Variants in TAS2R1 observed in about 807,000 individuals in gnomAD.
TAS2R1 encodes taste receptor type 2 member 1.
For missense variants in TAS2R1, 370 were observed against 353.4 expected (o/e 1.05, Z -0.38); for synonymous variants, 141 against 134.2 (o/e 1.05, Z -0.35).
At chr5:9,716,881 C>G (rs1191086419), upstream of TAS2R1, among the ~76,000 whole-genome samples, 1 of 152,126 alleles carries the variant, frequency 6.6e-6, no homozygotes, top group Non-Finnish European at 1.5e-5. Context: ...AGCCTGCCTA[C>G]CAAACCAGCC....
At chr5:9,849,549 T>C in the TAS2R1 span, among the ~76,000 whole-genome samples, 3 of 152,222 alleles carry the variant, frequency 2.0e-5, no homozygotes, top group Non-Finnish European at 4.4e-5. Context: ...TGTCCTCCAC[T>C]CTGCAGGTGA....
intron 2 of TAS2R1, among the ~76,000 whole-genome samples, chr5:9,656,234 A>G (rs1195198558): frequency 6.6e-6 from 1 of 152,214 alleles, no homozygotes; most frequent in Non-Finnish European, 1.5e-5. Flanking sequence ...AAAGCTAAAG[A>G]AAATTATCGA....
At chr5:9,789,690 A>G in the TAS2R1 span, among the ~76,000 whole-genome samples, 9 of 142,720 alleles carry the variant, frequency 6.3e-5, no homozygotes, top group Non-Finnish European at 1.3e-4. Context: ...GGATCTGGCA[A>G]TTTCTCCTGC....
At chr5:9,866,375 G>A in the TAS2R1 span, among the ~76,000 whole-genome samples, 1 of 151,964 alleles carries the variant, frequency 6.6e-6, no homozygotes, top group Admixed American at 6.5e-5. Flanking sequence ...TTTACTATCT[G>A]TATTTCTCTT....
At chr5:9,695,747 G>GTACAT (rs2126521299) in intron 1 of TAS2R1, among the ~76,000 whole-genome samples, 1 of 152,054 alleles carries the variant, frequency 6.6e-6, no homozygotes, top group African/African-American at 2.4e-5. Flanking sequence ...CTCAGCTAGG[G>GTACAT]TACATGCCTC....
chr5:9,686,588 A>G (rs528940488), intron 1 of TAS2R1, among the ~76,000 whole-genome samples: 15 of 152,296 alleles, frequency 9.8e-5, no homozygotes, highest in Admixed American at 6.5e-4. Context: ...AAAAAAAGAG[A>G]GAGACAAAGA....
chr5:9,820,962 G>C, the TAS2R1 span, among the ~76,000 whole-genome samples: 2 of 152,038 alleles, frequency 1.3e-5, no homozygotes, highest in Non-Finnish European at 2.9e-5. Context: ...CATGAATCCC[G>C]GGAAAGAGCT....
chr5:9,843,453 A>C, the TAS2R1 span, among the ~76,000 whole-genome samples: 2 of 152,134 alleles, frequency 1.3e-5, no homozygotes, highest in African/African-American at 4.8e-5. Flanking sequence ...TCTTGCAACT[A>C]ATCTATCTTC....
the TAS2R1 span, among the ~76,000 whole-genome samples, chr5:9,821,976 TG>T: frequency 6.6e-6 from 1 of 152,174 alleles, no homozygotes; most frequent in Non-Finnish European, 1.5e-5. Context: ...GGCTGGGGCT[TG>T]GAAGTCACCA....
the TAS2R1 span, among the ~76,000 whole-genome samples, chr5:9,869,825 C>T: frequency 2.0e-4 from 31 of 152,282 alleles, no homozygotes; most frequent in Middle Eastern, 3.4e-3. Context: ...ATGAGTATGA[C>T]TATATGCTGA....
At chr5:9,841,469 T>A in the TAS2R1 span, among the ~76,000 whole-genome samples, 4 of 152,204 alleles carry the variant, frequency 2.6e-5, no homozygotes, top group Non-Finnish European at 5.9e-5. Flanking sequence ...AATTCTCTAT[T>A]CTGATGTACT....
the TAS2R1 span, among the ~76,000 whole-genome samples, chr5:9,757,560 A>T: frequency 2.6e-5 from 4 of 152,192 alleles, no homozygotes; most frequent in Admixed American, 2.6e-4. Context: ...ACATTTATTA[A>T]CATGATATAG....
chr5:9,725,736 G>C, the TAS2R1 span, among the ~76,000 whole-genome samples: 1 of 139,306 alleles, frequency 7.2e-6, no homozygotes, highest in African/African-American at 3.3e-5. Context: ...GGACTGGCAG[G>C]CAGCTCCACC....
chr5:9,817,926 C>A, the TAS2R1 span, among the ~76,000 whole-genome samples: 1 of 151,998 alleles, frequency 6.6e-6, no homozygotes, highest in Non-Finnish European at 1.5e-5. Flanking sequence ...AAATCATCAG[C>A]TCCCATGAGA....
the TAS2R1 span, among the ~76,000 whole-genome samples, chr5:9,861,037 G>GTTTTTTGTTTTTTTTTTTTT: frequency 4.5e-5 from 4 of 88,612 alleles, no homozygotes; most frequent in Non-Finnish European, 8.7e-5. Context: ...GGAAGATGAG[G>GTTTTTTGTTTTTTTTTTTTT]TTTTTTTTTT....
At chr5:9,729,896 A>G in the TAS2R1 span, among the ~76,000 whole-genome samples, 1 of 152,146 alleles carries the variant, frequency 6.6e-6, no homozygotes, top group Non-Finnish European at 1.5e-5. Context: ...CACTTTTCAG[A>G]GTGATATCCA....
intron 1 of TAS2R1, among the ~76,000 whole-genome samples, chr5:9,694,035 T>TA: frequency 6.6e-6 from 1 of 152,320 alleles, no homozygotes; most frequent in South Asian, 2.1e-4. Context: ...CCCTGAGAGA[T>TA]ATCCAATTTT....
At chr5:9,851,989 T>C in the TAS2R1 span, among the ~76,000 whole-genome samples, 5 of 152,082 alleles carry the variant, frequency 3.3e-5, no homozygotes, top group South Asian at 8.3e-4. Flanking sequence ...CTCAGAGACA[T>C]TGAAAAAGAA....
At chr5:9,725,461 G>C in the TAS2R1 span, among the ~76,000 whole-genome samples, 2 of 152,184 alleles carry the variant, frequency 1.3e-5, no homozygotes, top group Non-Finnish European at 2.9e-5. Context: ...TTAGCACCCG[G>C]GCCAGCAGCT....
Sources: gnomAD v4.1 joint callset for allele counts (sites outside exome capture counted in the v4.1 genomes callset) on GRCh38, gnomAD v4.1.1 for gene constraint, MANE v1.5 for transcripts, NCBI Gene and HGNC (gene_info 2026-07-23, HGNC 2026-07-21) for gene names.